Variants in SEC24A observed in about 807,000 individuals in gnomAD.
SEC24A encodes the protein SEC24 homolog A, COPII component.
A neutral mutation model predicts 129.4 loss-of-function variants in SEC24A; 93 were observed. That is an observed-to-expected ratio of 0.72 (90% CI 0.61 to 0.85). SEC24A has a LOEUF of 0.85. SEC24A is among the 40% of genes least tolerant of loss of function. The pLI is 0.00. For missense variants in SEC24A, 1,264 were observed against 1,307.4 expected (o/e 0.97, Z 0.51); for synonymous variants, 460 against 467.3 (o/e 0.98, Z 0.20).
intron 6 of SEC24A, 71 bp from the exon 7 acceptor site, chr5:134,675,952 A>T: frequency 9.3e-7 from 1 of 1,079,582 alleles, no homozygotes; most frequent in Non-Finnish European, 1.4e-6. Context: ...TATACCTTTT[A>T]AATCTTTGTT....
At chr5:134,673,870 C>T (rs1750961155) in intron 4 of SEC24A, among the ~76,000 whole-genome samples, 1 of 152,118 alleles carries the variant, frequency 6.6e-6, no homozygotes, top group Non-Finnish European at 1.5e-5. Context: ...CACGGTGGCT[C>T]ATGGCCTGTA....
At chr5:134,696,492 T>G (rs1751827672) in intron 13 of SEC24A, among the ~76,000 whole-genome samples, 1 of 152,048 alleles carries the variant, frequency 6.6e-6, no homozygotes, top group African/African-American at 2.4e-5. Context: ...ACAGAAAATT[T>G]TTAAAAAACA....
Position 134,696,194 on chromosome 5 carries a change from C to T in SEC24A, c.1987-932C>T, listed in dbSNP as rs6874757. 8.2e-3 allele frequency among the ~76,000 whole-genome samples: 1,248 copies of T among 151,312 alleles called. 9 individuals are homozygous for T. Among genetic ancestry groups the T allele is most frequent in the African/African-American group, 0.029 (1,191 of 41,282 alleles). On this transcript the variant is annotated intron_variant, in intron 13 of 22. Transcript: ENST00000398844. ...CTGAGGCAGGAGAATCGCTAGAAAC[C>T]GGGAGGCAGAGGTTGCGGTGAGCTG...
intron 13 of SEC24A, among the ~76,000 whole-genome samples, chr5:134,696,211 G>A (rs192668775): frequency 8.0e-4 from 120 of 150,854 alleles, no homozygotes; most frequent in African/African-American, 2.5e-3. Context: ...CAGAGGTTGC[G>A]GTGAGCTGAG....
chr5:134,671,707 G>A, intron 3 of SEC24A, 102 bp from the exon 4 acceptor site: 1 of 685,754 alleles, frequency 1.5e-6, no homozygotes, highest in Non-Finnish European at 2.3e-6. Flanking sequence ...TAAATTATTT[G>A]TTGTTTAGAA....
chr5:134,715,261 T>C, intron 19 of SEC24A, 100 bp downstream of exon 19: 2 of 1,022,460 alleles, frequency 2.0e-6, no homozygotes, highest in Non-Finnish European at 2.9e-6. Context: ...ATTTAAGGCT[T>C]TAGCTTTTAT....
Position 134,675,104 on chromosome 5 carries a change from G to A in SEC24A, c.1038G>A (p.Glu346=). The A allele has an allele frequency of 6.2e-7, 1 of 1,612,486 alleles. No individual in the cohort carries two copies. Residue 346 remains glutamate, a synonymous_variant, in exon 6 of 23, where the codon GAG becomes GAA. Transcript: ENST00000398844. ...TGAGTGGATTAAGTCTACAACCAGA[G>A]GGTCTAAGAGTTGTCAATCTTCTTC... ...TSMSGLSLQP[E]GLRVVNLLQE...
Position 134,705,408 on chromosome 5 carries a change from A to T in SEC24A, c.2522A>T (p.Gln841Leu). 1 of 1,612,962 alleles carries T rather than the reference A, an allele frequency of 6.2e-7. No individual in the cohort carries two copies. The highest frequency in any genetic ancestry group is 8.5e-7 in the Non-Finnish European group (1 of 1,179,314). The change falls in exon 17 of 23, where the codon CAA becomes CTA. Residue 841 changes from glutamine (Q) to leucine (L), a missense_variant. Physicochemically the swap from Gln to Leu is moderately radical, Grantham distance 113. Transcript: ENST00000398844. ...LNDVFLGADV[Q>L]AISGLLANMA... ...GATGTCTTTCTTGGAGCTGATGTTC[A>T]AGCAATTTCAGGGTTATTGGCCAAT...
intron 11 of SEC24A, among the ~76,000 whole-genome samples, chr5:134,691,694 G>T (rs1272281876): frequency 6.6e-6 from 1 of 151,786 alleles, no homozygotes; most frequent in Non-Finnish European, 1.5e-5. Context: ...ACTAGAGACA[G>T]GGTTTCACCA....
In SEC24A at chr5:134,666,808, C is replaced by A; in HGVS notation, c.566-15C>A. The A allele has an allele frequency of 6.2e-7, 1 of 1,613,344 alleles. No individual in the cohort carries two copies. The highest frequency in any genetic ancestry group is 8.5e-7 in the Non-Finnish European group (1 of 1,179,508). On this transcript the variant is annotated splice_polypyrimidine_tract_variant and intron_variant, in intron 2 of 22. Transcript: ENST00000398844. ...GAGTTCTCAAGTGACGTGTGAAAAA[C>A]CAATGTTTCCATAGGTCCTTCTGTA...
intron 7 of SEC24A, among the ~76,000 whole-genome samples, chr5:134,678,426 T>C (rs1431178961): frequency 1.3e-5 from 2 of 151,924 alleles, no homozygotes; most frequent in East Asian, 3.8e-4. Context: ...ACCATCTTGG[T>C]TTTATTTTTT....
intron 2 of SEC24A, among the ~76,000 whole-genome samples, chr5:134,666,495 T>C (rs543284069): frequency 2.4e-3 from 369 of 151,870 alleles, no homozygotes; most frequent in African/African-American, 8.5e-3. Flanking sequence ...AGGTGGAGGT[T>C]GCAGTGAACT....
chr5:134,679,805 T>TA (rs765354080), intron 8 of SEC24A, 77 bp downstream of exon 8: 44,126 of 899,654 alleles, frequency 0.049, no homozygotes, highest in East Asian at 0.063. Flanking sequence ...AATGCACAGT[T>TA]AAAAAAAAAA....
At chr5:134,665,558 T>A (rs578196940) in intron 2 of SEC24A, among the ~76,000 whole-genome samples, 1 of 152,084 alleles carries the variant, frequency 6.6e-6, no homozygotes, top group African/African-American at 2.4e-5. Context: ...TTTTTATTTA[T>A]TTATTTATTT....
chr5:134,688,662 A>T (rs569687691), intron 11 of SEC24A, among the ~76,000 whole-genome samples: 3 of 148,186 alleles, frequency 2.0e-5, no homozygotes, highest in Admixed American at 2.0e-4. Flanking sequence ...TATATAGTCA[A>T]TTGATTTTAT....
intron 3 of SEC24A, among the ~76,000 whole-genome samples, chr5:134,668,873 G>A (rs2150077796): frequency 6.6e-6 from 1 of 151,752 alleles, no homozygotes; most frequent in Middle Eastern, 3.4e-3. Context: ...AACAGAGCAA[G>A]ACTCTGTCTC....
chr5:134,649,189 G>A lies in SEC24A; in HGVS notation c.97+16G>A. On this transcript the variant is annotated intron_variant, in intron 1 of 22. Coordinates refer to ENST00000398844, the MANE Select transcript of SEC24A (RefSeq NM_021982.3). ...TACACCAACGGTGAGTGCTGTCCGG[G>A]GGGAGGGCGCAGCCTGGCCAGGGCT... The A allele has an allele frequency of 6.3e-7, 1 of 1,579,372 alleles. No individual in the cohort carries two copies. Among genetic ancestry groups the A allele is most frequent in the Non-Finnish European group, 8.6e-7 (1 of 1,157,382 alleles).
Position 134,725,667 on chromosome 5 carries a change from A to G in SEC24A, c.*573A>G, listed in dbSNP as rs1257592460. On this transcript the variant is annotated 3_prime_UTR_variant, in exon 23 of 23. Transcript: ENST00000398844. ...TAAACTAATTCTAGTATAGCTTGAG[A>G]AAAATATGAAGAAACACATTCAAGC... 1.3e-5 allele frequency: 2 copies of G among 152,410 alleles called. No individual in the cohort carries two copies. Among genetic ancestry groups the G allele is most frequent in the Admixed American group, 1.3e-4 (2 of 15,262 alleles). The allele number at this position is 152,410 out of a possible 1,614,324, so 9.4% of individuals were successfully genotyped here.
rs1752730576 is a variant in SEC24A at position 134,725,168 on chromosome 5, T to G, written c.*74T>G. The G allele has an allele frequency of 1.4e-6, 1 of 731,984 alleles. No homozygotes were observed. The highest frequency in any genetic ancestry group is 2.5e-5 in the Admixed American group (1 of 39,282). The allele number at this position is 731,984 out of a possible 1,614,324, so 45.3% of individuals were successfully genotyped here. The stretch of plus-strand genomic sequence containing the variant: ...GAATACCTGGAAATGTGTAATACCT[T>G]CTTTTTCTATTATGTTTGTGGACTA... On this transcript the variant is annotated 3_prime_UTR_variant, in exon 23 of 23. Transcript: ENST00000398844.
Sources: allele counts gnomAD v4.1 joint callset (sites outside exome capture counted in the v4.1 genomes callset), GRCh38; gene constraint gnomAD v4.1.1; transcripts MANE v1.5; gene names NCBI Gene and HGNC (gene_info 2026-07-23, HGNC 2026-07-21).